Variants in FRMPD1 observed in about 807,000 individuals in gnomAD.
FRMPD1 encodes FERM and PDZ domain-containing protein 1.
Under a neutral mutation model 117.8 loss-of-function variants are expected in FRMPD1, and 76 were observed. The ratio of observed to expected loss-of-function variants is 0.65; its 90% CI spans 0.54 to 0.78. The LOEUF is 0.78. Ranked by LOEUF, FRMPD1 falls within the 30% of genes least tolerant of loss-of-function variation. FRMPD1 has a pLI of 0.00. For synonymous variants in FRMPD1, 783 were observed against 770.4 expected (o/e 1.02, Z -0.27); for missense variants, 1,786 against 1,964.5 (o/e 0.91, Z 1.72).
chr9:37,710,916 C>T (rs536796527), intron 4 of FRMPD1, among the ~76,000 whole-genome samples: 82 of 149,628 alleles, frequency 5.5e-4, no homozygotes, highest in South Asian at 2.3e-3. Flanking sequence ...CAAGATTGCG[C>T]CATTGCATTC....
At chr9:37,663,663 G>A (rs536394228) in intron 1 of FRMPD1, among the ~76,000 whole-genome samples, 1 of 152,278 alleles carries the variant, frequency 6.6e-6, no homozygotes, top group South Asian at 2.1e-4. Flanking sequence ...TTCTCGTAGT[G>A]TTTTGTCTAT....
chr9:37,702,488 C>T (rs1822569295), intron 2 of FRMPD1, among the ~76,000 whole-genome samples: 1 of 152,184 alleles, frequency 6.6e-6, no homozygotes, highest in Admixed American at 6.5e-5. Context: ...TTAGGTCTGG[C>T]TAGGAAATCA....
At chr9:37,705,322 A>G (rs919960712) in intron 2 of FRMPD1, among the ~76,000 whole-genome samples, 2 of 152,168 alleles carry the variant, frequency 1.3e-5, no homozygotes, top group Non-Finnish European at 2.9e-5. Context: ...TAAATAAAAC[A>G]CCAAATTGTT....
In FRMPD1 at chr9:37,734,857, C is replaced by T. The variant is rs115615143; in HGVS notation, c.1219-695C>T. Among the ~76,000 whole-genome samples the T allele has an allele frequency of 5.6e-3, 846 of 152,202 alleles. 11 individuals are homozygous for T. Among genetic ancestry groups the T allele is most frequent in the African/African-American group, 0.02 (825 of 41,496 alleles). ...AGTTTTGAAGGTACAAGAAAAACTT[C>T]CCAATTTTTCTAAGGGCTAATTCTA... is the stretch of plus-strand genomic sequence containing the variant. On this transcript the variant is annotated intron_variant, in intron 12 of 15. Transcript: ENST00000377765.
chr9:37,694,896 A>G (rs1822266956), intron 2 of FRMPD1, among the ~76,000 whole-genome samples: 1 of 152,036 alleles, frequency 6.6e-6, no homozygotes, highest in African/African-American at 2.4e-5. Flanking sequence ...GTGGATTGGT[A>G]TTTCATTCTT....
At chr9:37,641,718 A>C in the FRMPD1 span, among the ~76,000 whole-genome samples, 2 of 152,166 alleles carry the variant, frequency 1.3e-5, no homozygotes, top group East Asian at 1.9e-4. Context: ...ACCTTCCAAG[A>C]CTTTCCCCTG....
chr9:37,635,915 G>A, the FRMPD1 span, among the ~76,000 whole-genome samples: 1 of 152,194 alleles, frequency 6.6e-6, no homozygotes, highest in Non-Finnish European at 1.5e-5. Context: ...AGAGGGTTAA[G>A]GCTGGTGCCC....
intron 1 of FRMPD1, among the ~76,000 whole-genome samples, chr9:37,658,526 G>A (rs1203626530): frequency 6.6e-6 from 1 of 152,202 alleles, no homozygotes; most frequent in Non-Finnish European, 1.5e-5. Context: ...CTGGAGGCCA[G>A]AAGTACAAAA....
chr9:37,621,189 G>A, the FRMPD1 span, among the ~76,000 whole-genome samples: 1 of 152,156 alleles, frequency 6.6e-6, no homozygotes, highest in African/African-American at 2.4e-5. Flanking sequence ...GGACAGGAAA[G>A]GCCTACACTA....
upstream of FRMPD1, among the ~76,000 whole-genome samples, chr9:37,649,055 G>A (rs1007033875): frequency 6.6e-6 from 1 of 152,128 alleles, no homozygotes; most frequent in Admixed American, 6.5e-5. Flanking sequence ...GGCACCTAGA[G>A]AGGCTGACAC....
At position 37,722,569 on chromosome 9, in the gene FRMPD1, G is replaced by A. The variant is rs1043825438; in HGVS notation, c.517-1656G>A. ...ACTATGGGTGTGTGCCACCACGCCC[G>A]GCTAATTTTTGCATTTTTAGTAGAG... On this transcript the variant is annotated intron_variant, in intron 6 of 15. Transcript: ENST00000377765. 1.5e-4 allele frequency among the ~76,000 whole-genome samples: 23 copies of A among 152,018 alleles called. 1 individual carries two copies. The highest frequency in any genetic ancestry group is 9.8e-4 in the Admixed American group (15 of 15,254).
At chr9:37,680,755 T>C (rs979236617) in intron 1 of FRMPD1, among the ~76,000 whole-genome samples, 15 of 152,210 alleles carry the variant, frequency 9.9e-5, no homozygotes, top group African/African-American at 2.9e-4. Flanking sequence ...CATTGTTTTT[T>C]CTCTGGTCCA....
chr9:37,636,747 G>A, the FRMPD1 span: 9 of 1,592,960 alleles, frequency 5.6e-6, no homozygotes, highest in South Asian at 2.3e-5. Context: ...AGATTGGGCC[G>A]CTCGCCCCCG....
the FRMPD1 span, among the ~76,000 whole-genome samples, chr9:37,627,947 G>T: frequency 6.6e-6 from 1 of 152,254 alleles, no homozygotes; most frequent in South Asian, 2.1e-4. Flanking sequence ...CATTTATTGA[G>T]CTCCTAAACA....
chr9:37,669,379 C>T (rs1821272590), intron 1 of FRMPD1, among the ~76,000 whole-genome samples: 1 of 152,100 alleles, frequency 6.6e-6, no homozygotes. Flanking sequence ...AACTCTCAGC[C>T]CCGCCCCAGA....
chr9:37,659,915 TAAAA>T (rs36016239), intron 1 of FRMPD1, among the ~76,000 whole-genome samples: 2 of 103,626 alleles, frequency 1.9e-5, no homozygotes, highest in African/African-American at 6.9e-5. Context: ...TTTCAAGCAC[TAAAA>T]AAAAAAAAAA....
Position 37,746,455 on chromosome 9 carries a change from C to T in FRMPD1, c.4423C>T (p.His1475Tyr), listed in dbSNP as rs770576039. The T allele has an allele frequency of 1.2e-5, 20 of 1,613,590 alleles. No individual in the cohort carries two copies. Among genetic ancestry groups the T allele is most frequent in the East Asian group, 2.2e-5 (1 of 44,886 alleles). The change falls in exon 16 of 16, where the codon CAT becomes TAT. Residue 1475 changes from histidine to tyrosine, a missense_variant. Physicochemically the swap from His to Tyr is moderately conservative, Grantham distance 83. Coordinates refer to ENST00000377765, the MANE Select transcript of FRMPD1 (RefSeq NM_014907.3). ...GSQKLLSSCR[H>Y]VIRMDQSPEE... ...CCAGAAGCTCCTGTCGAGCTGTCGGCATGTGATCAGAATGGACCAGTCCCC... is the reference window on the plus strand; with the variant it reads ...CCAGAAGCTCCTGTCGAGCTGTCGGTATGTGATCAGAATGGACCAGTCCCC...
Position 37,715,967 on chromosome 9 carries a change from C to T in FRMPD1, c.409-3102C>T, listed in dbSNP as rs572637943. ...CCTTCTCTAGGCTAAACAACTGTGC[C>T]GTTGACCATTCCTCATAGATGGGTT... On this transcript the variant is annotated intron_variant, in intron 5 of 15. Transcript: ENST00000377765. 1.1e-4 allele frequency among the ~76,000 whole-genome samples: 16 copies of T among 152,246 alleles called. 1 individual carries two copies. In the East Asian group the frequency reaches 2.7e-3, roughly 26 times the overall value.
chr9:37,745,058 G>A lies in FRMPD1; in HGVS notation c.3026G>A (p.Gly1009Glu). The part of the protein sequence containing the change: ...IAPKEPTIEH[G>E]DSSFSLSSGD... ...CCCAAAGAACCAACCATAGAGCATG[G>A]AGACAGCTCCTTCTCCCTCTCCAGT... The change falls in exon 16 of 16, where the codon GGA becomes GAA. Residue 1009 changes from glycine to glutamate, a missense_variant. Transcript: ENST00000377765. The A allele has an allele frequency of 6.2e-7, 1 of 1,614,088 alleles. No individual in the cohort carries two copies. The highest frequency in any genetic ancestry group is 8.5e-7 in the Non-Finnish European group (1 of 1,180,002).
Sources: allele counts gnomAD v4.1 joint callset (sites outside exome capture counted in the v4.1 genomes callset), GRCh38; gene constraint gnomAD v4.1.1; transcripts MANE v1.5; gene names NCBI Gene and HGNC (gene_info 2026-07-23, HGNC 2026-07-21).